ALOX15B: variants seen among roughly 807,000 people sequenced by gnomAD.
ALOX15B encodes arachidonate 15-lipoxygenase type B, also known as polyunsaturated fatty acid lipoxygenase ALOX15B.
A neutral mutation model predicts 73.8 loss-of-function variants in ALOX15B; 74 were observed. The observed-to-expected ratio is 1.00, with a 90% CI of 0.83 to 1.22. The LOEUF is 1.22. Among genes scored for constraint, ALOX15B ranks in the 50% most tolerant of loss-of-function variants. The pLI, the probability that ALOX15B is intolerant of heterozygous loss-of-function variation, is 0.00. For synonymous variants in ALOX15B, 353 were observed against 357.2 expected, an observed-to-expected ratio of 0.99 and a Z score of 0.13; for missense variants, 896 against 859.9, an observed-to-expected ratio of 1.04 and a Z score of -0.52.
At position 8,045,311 on chromosome 17, in the gene ALOX15B, A is replaced by T; in HGVS notation, c.923A>T (p.Gln308Leu). 1 of 1,614,144 alleles carries T rather than the reference A, an allele frequency of 6.2e-7. No individual in the cohort carries two copies. The highest frequency in any genetic ancestry group is 8.5e-7 in the Non-Finnish European group (1 of 1,180,022). ...IQTNVINGKP[Q>L]FSAAPMTLLY... The stretch of plus-strand genomic sequence containing the variant: ...ACCAATGTCATTAATGGGAAGCCTC[A>T]GTTCTCTGCGGCCCCAATGACCCTG... The change falls in exon 7 of 14, where the codon CAG becomes CTG. Residue 308 changes from glutamine to leucine, a missense_variant. Transcript: ENST00000380183.
chr17:8,043,243 G>T (rs1976509157), intron 5 of ALOX15B, among the ~76,000 whole-genome samples: 1 of 152,206 alleles, frequency 6.6e-6, no homozygotes, highest in South Asian at 2.1e-4. Context: ...AGGGTGTAAA[G>T]GGGGCACCTG....
At position 8,039,478 on chromosome 17, in the gene ALOX15B, G is replaced by T. The variant is rs892441336; in HGVS notation, c.240G>T (p.Gly80=). ...HKAPPVLPLL[G]PLAPDAWFCR... Reference sequence around the variant, plus strand: ...CGCCCCCAGTGCTGCCCCTGCTGGGGCCCCTGGCCCCGGATGCCTGGTTCT... The same window carrying T: ...CGCCCCCAGTGCTGCCCCTGCTGGGTCCCCTGGCCCCGGATGCCTGGTTCT... Residue 80 remains glycine, a synonymous_variant, in exon 2 of 14, where the codon GGG becomes GGT. Coordinates refer to ENST00000380183, the MANE Select transcript of ALOX15B (RefSeq NM_001141.3). 4 of 1,591,308 alleles carry T rather than the reference G, an allele frequency of 2.5e-6. No individual in the cohort carries two copies. Among genetic ancestry groups the T allele is most frequent in the East Asian group, 2.3e-5 (1 of 43,364 alleles).
chr17:8,045,146 C>A (rs1976570571), intron 6 of ALOX15B, 92 bp from the exon 7 acceptor site: 1 of 1,598,452 alleles, frequency 6.3e-7, no homozygotes, highest in Non-Finnish European at 8.5e-7. Context: ...GAAACACACT[C>A]CTCTCCCAGC....
At chr17:8,042,695 G>A in intron 4 of ALOX15B, 86 bp from the exon 5 acceptor site, 1 of 1,396,872 alleles carries the variant, frequency 7.2e-7, no homozygotes, top group African/African-American at 1.4e-5. Flanking sequence ...GGCTGGTTCA[G>A]GATCCCAAGA....
chr17:8,040,469 C>T (rs1399752087), intron 3 of ALOX15B, among the ~76,000 whole-genome samples: 4 of 149,508 alleles, frequency 2.7e-5, no homozygotes, highest in African/African-American at 7.4e-5. Context: ...AGCTTGAACC[C>T]GGGTGGTGGA....
In ALOX15B at chr17:8,045,033, G is replaced by A. The variant is rs746222476; in HGVS notation, c.849+32G>A. ...GGTGCAGGGATCTTGGCTCTGCACA[G>A]TCCCATCTCAGTGCCTTCACACCCG... On this transcript the variant is annotated intron_variant, in intron 6 of 13. Coordinates refer to ENST00000380183, the MANE Select transcript of ALOX15B (RefSeq NM_001141.3). The A allele has an allele frequency of 6.8e-5, 110 of 1,612,314 alleles. 1 individual carries two copies. The highest frequency in any genetic ancestry group is 8.7e-5 in the Non-Finnish European group (103 of 1,178,988).
At chr17:8,040,023 C>G (rs2151811133) in intron 3 of ALOX15B, 40 bp downstream of exon 3, 1 of 1,581,912 alleles carries the variant, frequency 6.3e-7, no homozygotes, top group Non-Finnish European at 8.7e-7. Flanking sequence ...TGTGCCCAAA[C>G]GATGAGGGGC....
intron 2 of ALOX15B, 122 bp from the exon 3 acceptor site, chr17:8,039,780 G>A (rs1041018052): frequency 8.2e-7 from 1 of 1,222,416 alleles, no homozygotes; most frequent in Non-Finnish European, 1.2e-6. Flanking sequence ...CCTGGTGTAG[G>A]AGAAACTGTA....
chr17:8,041,493 T>C (rs1363713128), intron 3 of ALOX15B, among the ~76,000 whole-genome samples: 2 of 152,222 alleles, frequency 1.3e-5, no homozygotes, highest in Non-Finnish European at 2.9e-5. Context: ...AATCAGAATC[T>C]GCATTTAACC....
chr17:8,040,601 G>GAGAAAGAAGAAAGAAAGAA, intron 3 of ALOX15B, among the ~76,000 whole-genome samples: 1 of 109,528 alleles, frequency 9.1e-6, no homozygotes, highest in South Asian at 3.2e-4. Flanking sequence ...AAGAAAGAGA[G>GAGAAAGAAGAAAGAAAGAA]AGAAAGAAAG....
chr17:8,040,031 G>A (rs776527417), intron 3 of ALOX15B, 48 bp downstream of exon 3: 1 of 1,567,908 alleles, frequency 6.4e-7, no homozygotes, highest in Non-Finnish European at 8.7e-7. Context: ...AACGATGAGG[G>A]GCAGCTTGAG....
Position 8,045,605 on chromosome 17 carries a change from C to T in ALOX15B, c.1119C>T (p.His373=). The T allele has an allele frequency of 6.2e-7, 1 of 1,614,236 alleles. No homozygotes were observed. The highest frequency in any genetic ancestry group is 8.5e-7 in the Non-Finnish European group (1 of 1,180,046). ...TCTCCTTCCATGAGGCCCTCACGCA[C>T]CTGCTGCACTCACATCTGCTGCCTG... ...AEFSFHEALT[H]LLHSHLLPEV... Residue 373 remains histidine (H), a synonymous_variant, in exon 8 of 14, where the codon CAC becomes CAT. Coordinates refer to ENST00000380183, the MANE Select transcript of ALOX15B (RefSeq NM_001141.3).
rs1976650559 is a variant in ALOX15B at position 8,047,675 on chromosome 17, G to T, written c.1680+11G>T. The stretch of plus-strand genomic sequence containing the variant: ...GTCAGTGCAGGGCAGGTGAGGAAAG[G>T]CCAGCGCCCGAGGTGGCAGGCTGGA... On this transcript the variant is annotated intron_variant, in intron 12 of 13. Transcript: ENST00000380183. 1 of 1,612,818 alleles carries T rather than the reference G, an allele frequency of 6.2e-7. No individual in the cohort carries two copies.
Position 8,045,580 on chromosome 17 carries a change from T to G in ALOX15B, c.1094T>G (p.Phe365Cys), listed in dbSNP as rs1225114914. ...AAGACCTGGGTGCGCAATGCCGAGTTCTCCTTCCATGAGGCCCTCACGCAC... is the reference window on the plus strand; with the variant it reads ...AAGACCTGGGTGCGCAATGCCGAGTGCTCCTTCCATGAGGCCCTCACGCAC... ...LAKTWVRNAE[F>C]SFHEALTHLL... The change falls in exon 8 of 14, where the codon TTC (phenylalanine) becomes TGC (cysteine). Residue 365 changes from phenylalanine to cysteine, a missense_variant. Coordinates refer to ENST00000380183, the MANE Select transcript of ALOX15B (RefSeq NM_001141.3). The G allele has an allele frequency of 1.9e-6, 3 of 1,613,990 alleles. No individual in the cohort carries two copies. The highest frequency in any genetic ancestry group is 2.5e-6 in the Non-Finnish European group (3 of 1,180,004).
chr17:8,048,461 C>T lies in ALOX15B; in HGVS notation c.1927C>T (p.Arg643Cys), dbSNP rs78119973. The T allele has an allele frequency of 1.5e-4, 244 of 1,614,128 alleles. No homozygotes were observed. The East Asian group carries it at 4.7e-3, about 31-fold the overall frequency. Residue 643 changes from arginine (R) to cysteine (C), a missense_variant, in exon 14 of 14, where the codon CGC becomes TGC. Physicochemically the swap from Arg to Cys is radical, Grantham distance 180. Coordinates refer to ENST00000380183, the MANE Select transcript of ALOX15B (RefSeq NM_001141.3). ...GCGGAGCATCGCCACCTTCCAGAGC[C>T]GCCTGGCCCAGATCTCGAGGGGCAT... The part of the protein sequence containing the change: ...PRRSIATFQS[R>C]LAQISRGIQE...
intron 8 of ALOX15B, among the ~76,000 whole-genome samples, 192 bp downstream of exon 8, chr17:8,045,878 C>T (rs559951834): frequency 2.6e-4 from 40 of 152,284 alleles, no homozygotes; most frequent in African/African-American, 9.6e-4. Flanking sequence ...TGCAGCACCC[C>T]AGAAAGGCTC....
At chr17:8,044,105 G>GAGAGGA (rs1355114653) in intron 5 of ALOX15B, among the ~76,000 whole-genome samples, 15 of 62,380 alleles carry the variant, frequency 2.4e-4, no homozygotes, top group African/African-American at 1.1e-3. Context: ...GAGAGAGAGA[G>GAGAGGA]AGGAAGGAAG....
At position 8,039,875 on chromosome 17, in the gene ALOX15B, C is replaced by T. The variant is rs961952611; in HGVS notation, c.368-27C>T. 5 of 1,597,602 alleles carry T rather than the reference C, an allele frequency of 3.1e-6. No homozygotes were observed. In the East Asian group the frequency reaches 1.1e-4, roughly 36 times the overall value. On this transcript the variant is annotated intron_variant, in intron 2 of 13. Coordinates refer to ENST00000380183, the MANE Select transcript of ALOX15B (RefSeq NM_001141.3). Reference sequence around the variant, plus strand: ...TAGTGATGGTGAGTTTCTCTCCCCACCCCAACCTACTCCCCTTCTCCCACA... The same window carrying T: ...TAGTGATGGTGAGTTTCTCTCCCCATCCCAACCTACTCCCCTTCTCCCACA...
Position 8,044,947 on chromosome 17 carries a change from T to G in ALOX15B, c.795T>G (p.Asp265Glu). The stretch of plus-strand genomic sequence containing the variant: ...TCCCAAAGAACTTCCCCGTCACTGA[T>G]GCCATGGTGGCCTCAGTGTTGGGTC... ...HYLPKNFPVT[D>E]AMVASVLGPG... The change falls in exon 6 of 14, where the codon GAT becomes GAG. Residue 265 changes from aspartate (D) to glutamate (E), a missense_variant. Transcript: ENST00000380183. The G allele has an allele frequency of 4.3e-6, 7 of 1,614,144 alleles. No individual in the cohort carries two copies. The highest frequency in any genetic ancestry group is 2.2e-5 in the South Asian group (2 of 91,080).
Sources: gnomAD v4.1 joint callset for allele counts (sites outside exome capture counted in the v4.1 genomes callset) on GRCh38, gnomAD v4.1.1 for gene constraint, MANE v1.5 for transcripts, NCBI Gene and HGNC (gene_info 2026-07-23, HGNC 2026-07-21) for gene names.